The following SAMD5 variants were observed in gnomAD, a reference collection of about 807,000 sequenced individuals.
The protein encoded by SAMD5 is sterile alpha motif domain-containing protein 5.
Under a neutral mutation model 11.3 loss-of-function variants are expected in SAMD5, and 13 were observed. The observed-to-expected ratio is 1.15, with a 90% CI of 0.75 to 1.83. The LOEUF is 1.83. Ranked by LOEUF, SAMD5 falls within the 40% of genes most tolerant of loss-of-function variation. SAMD5 has a pLI of 0.00. For synonymous variants in SAMD5, 129 were observed against 111.3 expected (o/e 1.16, Z -1.00); for missense variants, 255 against 239.1 (o/e 1.07, Z -0.44).
intron 1 of SAMD5, among the ~76,000 whole-genome samples, chr6:147,695,318 A>AT (rs148241893): frequency 0.12 from 17,478 of 151,724 alleles, 1,093 homozygotes; most frequent in Middle Eastern, 0.16. Flanking sequence ...AGTTTCTATG[A>AT]TTTTTTTTCC....
rs189513861 is a variant in SAMD5 at position 147,521,906 on chromosome 6, C to T, written c.459+12519C>T. On this transcript the variant is annotated intron_variant, in intron 1 of 1. Transcript: ENST00000367474. ...CACAACCATTAAAAAATAATTTGCTCAATTTGTCATTTGCCTTTTAGTTTT... is the reference window on the plus strand; with the variant it reads ...CACAACCATTAAAAAATAATTTGCTTAATTTGTCATTTGCCTTTTAGTTTT... 8.0e-3 allele frequency among the ~76,000 whole-genome samples: 1,223 copies of T among 152,166 alleles called. 13 individuals are homozygous for T. The highest frequency in any genetic ancestry group is 0.014 in the Non-Finnish European group (935 of 67,932).
chr6:147,906,054 G>A, the SAMD5 span, among the ~76,000 whole-genome samples: 1 of 152,132 alleles, frequency 6.6e-6, no homozygotes, highest in Non-Finnish European at 1.5e-5. Flanking sequence ...TATAAATTGT[G>A]TCCTCAAGTA....
chr6:147,860,800 C>G, the SAMD5 span, among the ~76,000 whole-genome samples: 4 of 152,120 alleles, frequency 2.6e-5, no homozygotes, highest in African/African-American at 9.7e-5. Context: ...TTTGTCAAAA[C>G]CTTACTTATG....
chr6:147,898,144 A>G, the SAMD5 span, among the ~76,000 whole-genome samples: 1 of 152,010 alleles, frequency 6.6e-6, no homozygotes, highest in African/African-American at 2.4e-5. Flanking sequence ...TCAGTGGCCA[A>G]TGCTAAGCAT....
intron 1 of SAMD5, among the ~76,000 whole-genome samples, chr6:147,584,843 A>G (rs1789351738): frequency 6.6e-6 from 1 of 152,218 alleles, no homozygotes; most frequent in Admixed American, 6.5e-5. Context: ...GTTACCAGCT[A>G]TAAAACCTTT....
chr6:147,565,995 G>A lies in SAMD5; in HGVS notation c.*1539G>A, dbSNP rs1234428004. 1 of 985,106 alleles carries A rather than the reference G, an allele frequency of 1.0e-6. No individual in the cohort carries two copies. The highest frequency in any genetic ancestry group is 1.2e-6 in the Non-Finnish European group (1 of 829,840). 61.0% of individuals were successfully genotyped at this position (985,106 alleles called of 1,614,324 possible). A position where few individuals can be genotyped will look rare whatever the true frequency, so the allele number is the denominator to read the frequency against. ...TAAGAAGAATAAGAAACTCTCAAAG[G>A]AAAAGAAACTTACATTCACTTTTTC... On this transcript the variant is annotated 3_prime_UTR_variant, in exon 2 of 2. Transcript: ENST00000367474.
At chr6:147,908,097 A>G in the SAMD5 span, among the ~76,000 whole-genome samples, 1 of 152,176 alleles carries the variant, frequency 6.6e-6, no homozygotes, top group African/African-American at 2.4e-5. Flanking sequence ...ATAAATATGT[A>G]AATTACCCAA....
intron 1 of SAMD5, among the ~76,000 whole-genome samples, chr6:147,580,788 TA>T (rs1562325903): frequency 6.6e-6 from 1 of 151,256 alleles, no homozygotes. Flanking sequence ...TTTAAAGACA[TA>T]AATTTCTTTT....
chr6:147,850,818 G>A, the SAMD5 span, among the ~76,000 whole-genome samples: 5 of 152,150 alleles, frequency 3.3e-5, no homozygotes, highest in South Asian at 2.1e-4. Flanking sequence ...TTTAGTCACC[G>A]AGTAGCAGAC....
At chr6:147,872,170 A>G in the SAMD5 span, among the ~76,000 whole-genome samples, 1 of 152,130 alleles carries the variant, frequency 6.6e-6, no homozygotes, top group East Asian at 1.9e-4. Context: ...CAGTTGCACA[A>G]TCACAGCTCA....
At chr6:147,643,040 T>TCATTATTCATTATTAA (rs1187012596) in intron 1 of SAMD5, among the ~76,000 whole-genome samples, 4 of 152,196 alleles carry the variant, frequency 2.6e-5, no homozygotes. Context: ...TAATAACAAT[T>TCATTATTCATTATTAA]TTATTCATTA....
the SAMD5 span, among the ~76,000 whole-genome samples, chr6:147,835,626 G>T: frequency 1.3e-5 from 2 of 151,986 alleles, no homozygotes; most frequent in African/African-American, 4.8e-5. Flanking sequence ...ACCATTCCTC[G>T]ACTTTCCAAC....
the SAMD5 span, among the ~76,000 whole-genome samples, chr6:147,861,394 G>A: frequency 6.6e-6 from 1 of 151,968 alleles, no homozygotes; most frequent in Admixed American, 6.6e-5. Flanking sequence ...TTGAACTCTT[G>A]TCCTCAAGTG....
At chr6:147,936,668 G>A in the SAMD5 span, among the ~76,000 whole-genome samples, 15 of 152,200 alleles carry the variant, frequency 9.9e-5, no homozygotes, top group Non-Finnish European at 1.9e-4. Flanking sequence ...ACCATCATAA[G>A]GTTAAAATTA....
At chr6:147,670,169 A>AT (rs1382598858) in intron 1 of SAMD5, among the ~76,000 whole-genome samples, 3 of 152,112 alleles carry the variant, frequency 2.0e-5, no homozygotes, top group Non-Finnish European at 2.9e-5. Flanking sequence ...TTTTGAAAGG[A>AT]TTTTTTTCCT....
At chr6:147,561,899 T>C (rs1788956773) in intron 1 of SAMD5, among the ~76,000 whole-genome samples, 1 of 152,208 alleles carries the variant, frequency 6.6e-6, no homozygotes, top group Admixed American at 6.5e-5. Flanking sequence ...AAGCAACATA[T>C]GCTCCACTAA....
At chr6:147,705,027 G>T (rs541483508) in intron 1 of SAMD5, among the ~76,000 whole-genome samples, 14 of 152,348 alleles carry the variant, frequency 9.2e-5, no homozygotes, top group African/African-American at 3.1e-4. Context: ...AGGAGAAGAA[G>T]ATTGGAACAC....
chr6:147,541,489 G>A (rs1245531918), intron 1 of SAMD5, among the ~76,000 whole-genome samples: 1 of 152,150 alleles, frequency 6.6e-6, no homozygotes, highest in African/African-American at 2.4e-5. Context: ...CATTCCAGGT[G>A]GGAAGGGACG....
At chr6:147,706,047 T>C (rs1791320943) in intron 1 of SAMD5, among the ~76,000 whole-genome samples, 1 of 152,164 alleles carries the variant, frequency 6.6e-6, no homozygotes, top group Non-Finnish European at 1.5e-5. Context: ...TTCCTTTACA[T>C]ACCTGAGCTT....
Sources: allele counts gnomAD v4.1 joint callset (sites outside exome capture counted in the v4.1 genomes callset), GRCh38; gene constraint gnomAD v4.1.1; transcripts MANE v1.5; gene names NCBI Gene and HGNC (gene_info 2026-07-23, HGNC 2026-07-21).